The following DLGAP1 variants were observed in gnomAD, a reference collection of about 807,000 sequenced individuals.
DLGAP1 encodes DLG associated protein 1.
DLGAP1 carries 11 observed loss-of-function variants against 90.8 expected under a neutral mutation model. The ratio of observed to expected loss-of-function variants is 0.12; its 90% CI spans 0.08 to 0.20. DLGAP1 has a LOEUF of 0.20. Ranked by LOEUF, DLGAP1 falls within the 10% of genes least tolerant of loss-of-function variation. The pLI is 1.00. For missense variants in DLGAP1, 1,050 were observed against 1,333.8 expected (o/e 0.79, Z 3.31); for synonymous variants, 558 against 540.7 (o/e 1.03, Z -0.44).
intron 1 of DLGAP1, among the ~76,000 whole-genome samples, chr18:4,445,307 T>A (rs2083633964): frequency 6.6e-6 from 1 of 151,652 alleles, no homozygotes; most frequent in Non-Finnish European, 1.5e-5. Context: ...TCTTTTTTTT[T>A]TTATTATACT....
chr18:3,874,332 A>C, intron 4 of DLGAP1: 1 of 1,523,662 alleles, frequency 6.6e-7, no homozygotes, highest in Middle Eastern at 1.7e-4. Flanking sequence ...TACCGCGGAG[A>C]GAGCGTTTTG....
intron 2 of DLGAP1, among the ~76,000 whole-genome samples, chr18:4,123,214 C>T (rs938598051): frequency 1.3e-5 from 2 of 152,022 alleles, no homozygotes; most frequent in African/African-American, 2.4e-5. Context: ...GGGGTGGAGT[C>T]AGGGGAGTTT....
chr18:4,350,816 T>TG, intron 1 of DLGAP1, among the ~76,000 whole-genome samples: 1 of 152,166 alleles, frequency 6.6e-6, no homozygotes, highest in African/African-American at 2.4e-5. Flanking sequence ...CCATTACCAA[T>TG]TTTTCAAATA....
At chr18:3,679,789 A>G (rs2060443533) in intron 7 of DLGAP1, 1 of 151,832 alleles carries the variant, frequency 6.6e-6, no homozygotes, top group African/African-American at 2.4e-5. Context: ...AAAGAAAGAA[A>G]GACAACAAAG....
chr18:3,638,687 T>C (rs1052445188), intron 7 of DLGAP1, among the ~76,000 whole-genome samples: 1 of 152,248 alleles, frequency 6.6e-6, no homozygotes, highest in Non-Finnish European at 1.5e-5. Context: ...CTGTTAATCT[T>C]ACATTTTTAA....
chr18:4,345,221 T>A (rs1330158151), intron 1 of DLGAP1, among the ~76,000 whole-genome samples: 1 of 151,660 alleles, frequency 6.6e-6, no homozygotes, highest in Non-Finnish European at 1.5e-5. Context: ...CTCCCCTTTT[T>A]TTTAATCTCT....
chr18:3,973,246 A>G (rs965479687), intron 3 of DLGAP1, among the ~76,000 whole-genome samples: 1 of 151,898 alleles, frequency 6.6e-6, no homozygotes, highest in Non-Finnish European at 1.5e-5. Context: ...CTAATTAGAA[A>G]AAAACCATTT....
chr18:3,837,849 C>CAAAAAAAAAAAAAAAAAAA (rs5822770), intron 4 of DLGAP1, among the ~76,000 whole-genome samples: 1 of 26,798 alleles, frequency 3.7e-5, no homozygotes, highest in Non-Finnish European at 6.3e-5. Context: ...GAGATTCTGT[C>CAAAAAAAAAAAAAAAAAAA]AAAAAAAAAA....
intron 1 of DLGAP1, among the ~76,000 whole-genome samples, chr18:4,304,866 G>T (rs1359601573): frequency 2.0e-5 from 3 of 151,974 alleles, no homozygotes; most frequent in South Asian, 4.1e-4. Flanking sequence ...AGGAGGCGGA[G>T]GTTGCAGTGA....
At chr18:3,515,037 C>T (rs1187457050) in intron 10 of DLGAP1, among the ~76,000 whole-genome samples, 7 of 152,146 alleles carry the variant, frequency 4.6e-5, no homozygotes, top group Non-Finnish European at 8.8e-5. Context: ...GTCACTGCCC[C>T]GGCTGGCTGT....
At chr18:3,831,856 G>A (rs1011424959) in intron 4 of DLGAP1, among the ~76,000 whole-genome samples, 1 of 152,180 alleles carries the variant, frequency 6.6e-6, no homozygotes, top group Admixed American at 6.5e-5. Flanking sequence ...TGAAGGAATG[G>A]CTACTGTGTA....
chr18:4,214,984 G>C (rs1487756987), intron 1 of DLGAP1, among the ~76,000 whole-genome samples: 1 of 152,112 alleles, frequency 6.6e-6, no homozygotes, highest in Non-Finnish European at 1.5e-5. Context: ...CCAATAAATA[G>C]ATAAGGAAAG....
chr18:4,354,303 C>T (rs1481317756), intron 1 of DLGAP1, among the ~76,000 whole-genome samples: 1 of 152,188 alleles, frequency 6.6e-6, no homozygotes, highest in Non-Finnish European at 1.5e-5. Flanking sequence ...AACCTTCCTC[C>T]ACCTTGCTGT....
chr18:3,525,161 A>AT lies in DLGAP1; in HGVS notation c.2479+9032dup, dbSNP rs774171541. Among the ~76,000 whole-genome samples, 161 of 150,862 alleles carry AT rather than the reference A, an allele frequency of 1.1e-3. 1 individual carries two copies. Among genetic ancestry groups the AT allele is most frequent in the East Asian group, 3.3e-3 (17 of 5,126 alleles). Reference sequence around the variant, plus strand: ...TTTTTCAAAAACTCAGCTAATTTTAATTTTTTTTTCCCAGTTCCAACCCCT... The same window carrying AT: ...TTTTTCAAAAACTCAGCTAATTTTAATTTTTTTTTTCCCAGTTCCAACCCCT... On this transcript the variant is annotated intron_variant, in intron 10 of 12. Coordinates refer to ENST00000315677, the MANE Select transcript of DLGAP1 (RefSeq NM_004746.4).
At chr18:4,011,201 C>T (rs902481016) in intron 2 of DLGAP1, among the ~76,000 whole-genome samples, 3 of 145,166 alleles carry the variant, frequency 2.1e-5, no homozygotes, top group Non-Finnish European at 4.5e-5. Context: ...AAAAAAAAAT[C>T]CTTACCTGCC....
At chr18:4,033,865 A>T (rs2074841073) in intron 2 of DLGAP1, among the ~76,000 whole-genome samples, 1 of 150,118 alleles carries the variant, frequency 6.7e-6, no homozygotes, top group South Asian at 2.1e-4. Flanking sequence ...CAGCCTCCCG[A>T]GTAGCCGGGA....
At chr18:3,769,316 A>G (rs2064404538) in intron 5 of DLGAP1, among the ~76,000 whole-genome samples, 1 of 152,204 alleles carries the variant, frequency 6.6e-6, no homozygotes, top group African/African-American at 2.4e-5. Context: ...AAATGGTACA[A>G]CCACTCTGTA....
chr18:4,011,457 T>C (rs879557791), intron 2 of DLGAP1, among the ~76,000 whole-genome samples: 3 of 151,960 alleles, frequency 2.0e-5, no homozygotes, highest in African/African-American at 4.8e-5. Context: ...GGGGCAGCAA[T>C]AAATGAAATA....
At chr18:4,262,421 G>A (rs1371366534) in intron 1 of DLGAP1, among the ~76,000 whole-genome samples, 1 of 152,202 alleles carries the variant, frequency 6.6e-6, no homozygotes, top group African/African-American at 2.4e-5. Flanking sequence ...AGAAGACACT[G>A]AACCCTTACA....
Sources: gnomAD v4.1 joint callset for allele counts (sites outside exome capture counted in the v4.1 genomes callset) on GRCh38, gnomAD v4.1.1 for gene constraint, MANE v1.5 for transcripts, NCBI Gene and HGNC (gene_info 2026-07-23, HGNC 2026-07-21) for gene names.